Variants in RNF169 observed in about 807,000 individuals in gnomAD.
RNF169 encodes E3 ubiquitin-protein ligase RNF169.
RNF169 carries 24 observed loss-of-function variants against 53.9 expected under a neutral mutation model. The ratio of observed to expected loss-of-function variants is 0.45; its 90% CI spans 0.32 to 0.63. The LOEUF (loss-of-function observed/expected upper bound fraction) is 0.63, where lower values mean the gene tolerates loss of function less well. RNF169 is among the 20% of genes least tolerant of loss of function. The probability of loss-of-function intolerance (pLI) is 0.04; values close to 1 mark genes in which losing one functional copy is unlikely to be tolerated. For missense variants in RNF169, 883 were observed against 906.2 expected, an observed-to-expected ratio of 0.97 and a Z score of 0.33; for synonymous variants, 396 against 363.5, an observed-to-expected ratio of 1.09 and a Z score of -1.02.
chr11:74,801,258 G>A (rs977974862), intron 2 of RNF169, among the ~76,000 whole-genome samples: 2 of 152,198 alleles, frequency 1.3e-5, no homozygotes, highest in African/African-American at 4.8e-5. Context: ...GTATGCAAGA[G>A]ATCGTTTGCT....
At chr11:74,770,774 T>C (rs1274625357) in intron 1 of RNF169, among the ~76,000 whole-genome samples, 1 of 152,216 alleles carries the variant, frequency 6.6e-6, no homozygotes, top group Non-Finnish European at 1.5e-5. Context: ...CTTCCTGTTT[T>C]TGCACGTTAC....
intron 1 of RNF169, among the ~76,000 whole-genome samples, chr11:74,758,659 GC>G (rs1297600568): frequency 1.3e-5 from 2 of 151,990 alleles, no homozygotes; most frequent in Non-Finnish European, 2.9e-5. Context: ...CCGCCACTAC[GC>G]CCGGCTAATT....
chr11:74,800,131 G>A (rs1022075952), intron 2 of RNF169, among the ~76,000 whole-genome samples: 2 of 151,324 alleles, frequency 1.3e-5, no homozygotes, highest in Non-Finnish European at 2.9e-5. Context: ...AATATAATAT[G>A]TAAAAAAGAT....
chr11:74,795,025 T>C (rs2035627101), intron 2 of RNF169, among the ~76,000 whole-genome samples: 1 of 152,070 alleles, frequency 6.6e-6, no homozygotes, highest in African/African-American at 2.4e-5. Flanking sequence ...AGGCTGGTCT[T>C]GAACTGCTGG....
chr11:74,827,334 G>T (rs1286780098), intron 4 of RNF169, among the ~76,000 whole-genome samples: 1 of 152,224 alleles, frequency 6.6e-6, no homozygotes, highest in Non-Finnish European at 1.5e-5. Context: ...AAGGCCCTGG[G>T]CCCAGCCCAC....
chr11:74,839,520 A>C lies in RNF169; in HGVS notation c.*2790A>C, dbSNP rs1045935288. On this transcript the variant is annotated 3_prime_UTR_variant, in exon 6 of 6. Coordinates refer to ENST00000299563, the MANE Select transcript of RNF169 (RefSeq NM_001098638.2). Reference sequence around the variant, plus strand: ...TGGGAAGGGTTTGTGAGCTAGAATAAGAGGTGCAGGATTTCACAAAACAAA... The same window carrying C: ...TGGGAAGGGTTTGTGAGCTAGAATACGAGGTGCAGGATTTCACAAAACAAA... 6.6e-6 allele frequency: 1 copy of C among 152,238 alleles called. No individual in the cohort carries two copies. The highest frequency in any genetic ancestry group is 2.4e-5 in the African/African-American group (1 of 41,454). 9.4% of individuals were successfully genotyped at this position (152,238 alleles called of 1,614,324 possible).
intron 3 of RNF169, among the ~76,000 whole-genome samples, chr11:74,817,349 A>T (rs2035952520): frequency 1.3e-5 from 2 of 152,214 alleles, no homozygotes; most frequent in Admixed American, 1.3e-4. Context: ...TAAGGGACAG[A>T]AATAGATGGC....
At chr11:74,815,285 G>C (rs1195122089) in intron 3 of RNF169, among the ~76,000 whole-genome samples, 1 of 152,144 alleles carries the variant, frequency 6.6e-6, no homozygotes, top group African/African-American at 2.4e-5. Flanking sequence ...GCTGGGCGCG[G>C]TGGCTCACAC....
intron 1 of RNF169, among the ~76,000 whole-genome samples, chr11:74,781,688 G>T (rs1400147289): frequency 1.3e-5 from 2 of 152,180 alleles, no homozygotes; most frequent in Non-Finnish European, 2.9e-5. Context: ...ACTATGAACT[G>T]CCTATGCATG....
At chr11:74,764,573 A>G (rs1268634469) in intron 1 of RNF169, among the ~76,000 whole-genome samples, 1 of 152,232 alleles carries the variant, frequency 6.6e-6, no homozygotes, top group African/African-American at 2.4e-5. Context: ...GGAAAAAGAG[A>G]ATTTACCACA....
At chr11:74,755,894 G>T (rs2034974402) in intron 1 of RNF169, among the ~76,000 whole-genome samples, 1 of 152,300 alleles carries the variant, frequency 6.6e-6, no homozygotes, top group East Asian at 1.9e-4. Context: ...TAGGGTAAAA[G>T]AATTTTGGAC....
At chr11:74,821,951 T>C (rs931234373) in intron 4 of RNF169, among the ~76,000 whole-genome samples, 1 of 152,048 alleles carries the variant, frequency 6.6e-6, no homozygotes, top group African/African-American at 2.4e-5. Context: ...TATTACCAAC[T>C]TCTGGGTGGA....
chr11:74,822,517 CTTT>C (rs1472180812), intron 4 of RNF169, among the ~76,000 whole-genome samples: 1 of 152,176 alleles, frequency 6.6e-6, no homozygotes, highest in African/African-American at 2.4e-5. Flanking sequence ...ATAGACAGAG[CTTT>C]CCTAGATGTT....
At chr11:74,802,931 G>A (rs925595090) in intron 2 of RNF169, among the ~76,000 whole-genome samples, 1 of 151,316 alleles carries the variant, frequency 6.6e-6, no homozygotes, top group African/African-American at 2.4e-5. Context: ...TTTTTTTGGG[G>A]GGGGGTGGGG....
At chr11:74,749,848 A>G (rs1236139875) in intron 1 of RNF169, among the ~76,000 whole-genome samples, 1 of 151,922 alleles carries the variant, frequency 6.6e-6, no homozygotes, top group Non-Finnish European at 1.5e-5. Context: ...ATGTGAAGGG[A>G]GCTTTTCAGA....
chr11:74,824,908 A>G (rs1223634595), intron 4 of RNF169, among the ~76,000 whole-genome samples: 2 of 152,250 alleles, frequency 1.3e-5, no homozygotes, highest in African/African-American at 4.8e-5. Context: ...TCTGCAATTA[A>G]GAGGAGGAGA....
intron 4 of RNF169, among the ~76,000 whole-genome samples, chr11:74,824,008 T>C (rs1177867901): frequency 4.0e-5 from 6 of 151,876 alleles, no homozygotes; most frequent in Non-Finnish European, 8.8e-5. Flanking sequence ...ATATGAGGCA[T>C]AAGAAACAAG....
chr11:74,790,798 G>A (rs1308586244), intron 2 of RNF169, among the ~76,000 whole-genome samples: 1 of 152,228 alleles, frequency 6.6e-6, no homozygotes, highest in Non-Finnish European at 1.5e-5. Flanking sequence ...ACGTGGTAGT[G>A]ACTGGAAGCT....
At chr11:74,832,365 C>T (rs996391416) in intron 4 of RNF169, 1 of 151,236 alleles carries the variant, frequency 6.6e-6, no homozygotes, top group African/African-American at 2.4e-5. Context: ...TTTCTTTTGC[C>T]AAAATGGAGT....
Sources: gnomAD v4.1 joint callset for allele counts (sites outside exome capture counted in the v4.1 genomes callset) on GRCh38, gnomAD v4.1.1 for gene constraint, MANE v1.5 for transcripts, NCBI Gene and HGNC (gene_info 2026-07-23, HGNC 2026-07-21) for gene names.